Variants in KAZN observed in about 807,000 individuals in gnomAD.
KAZN encodes the protein kazrin, periplakin interacting protein.
Under a neutral mutation model 87.4 loss-of-function variants are expected in KAZN, and 40 were observed. The ratio of observed to expected loss-of-function variants is 0.46; its 90% confidence interval spans 0.36 to 0.60. The LOEUF (loss-of-function observed/expected upper bound fraction) is 0.60. Among genes scored for constraint, KAZN ranks in the 20% least tolerant of loss-of-function variants. The pLI is 0.00. For synonymous variants in KAZN, 466 were observed against 458.3 expected (o/e 1.02, Z -0.22); for missense variants, 898 against 1,073.9 (o/e 0.84, Z 2.29).
At chr1:15,085,983 T>G (rs1231047723) in intron 8 of KAZN, among the ~76,000 whole-genome samples, 2 of 148,714 alleles carry the variant, frequency 1.3e-5, no homozygotes, top group African/African-American at 5.2e-5. Flanking sequence ...AAGAAAAAAT[T>G]TTTTTGAGAC....
At chr1:14,174,970 A>G (rs1428268268) in intron 1 of KAZN, among the ~76,000 whole-genome samples, 1 of 152,208 alleles carries the variant, frequency 6.6e-6, no homozygotes, top group African/African-American at 2.4e-5. Context: ...AGCAAGTCAT[A>G]TGGCAAAACT....
intron 1 of KAZN, among the ~76,000 whole-genome samples, chr1:14,941,186 T>C (rs1376022897): frequency 6.6e-6 from 1 of 152,186 alleles, no homozygotes; most frequent in African/African-American, 2.4e-5. Flanking sequence ...TCCCAAAGTC[T>C]GGGATTACAG....
At chr1:14,407,896 A>T (rs1663995005) in intron 2 of KAZN, among the ~76,000 whole-genome samples, 1 of 152,142 alleles carries the variant, frequency 6.6e-6, no homozygotes, top group African/African-American at 2.4e-5. Flanking sequence ...TGGGAAAATT[A>T]ATTTGTTTTT....
chr1:14,978,362 ACGGAGCATCTGGATTGTCAAAAGCATC>A (rs1252589700), intron 2 of KAZN, among the ~76,000 whole-genome samples: 168 of 152,156 alleles, frequency 1.1e-3, no homozygotes, highest in Admixed American at 1.9e-3. Flanking sequence ...GCTGTGTTCT[ACGGAGCATCTGGATTGTCAAAAGCATC>A]CGGCAGCTTG....
At chr1:14,958,366 A>G (rs1286528245) in intron 1 of KAZN, among the ~76,000 whole-genome samples, 3 of 102,318 alleles carry the variant, frequency 2.9e-5, no homozygotes, top group Non-Finnish European at 5.0e-5. Flanking sequence ...TCTTGGGTAC[A>G]TGGAGCACTT....
Position 14,530,421 on chromosome 1 carries a change from G to A in KAZN, c.250-68562G>A, listed in dbSNP as rs998428893. Among the ~76,000 whole-genome samples the A allele has an allele frequency of 3.3e-5, 5 of 152,128 alleles. No homozygotes were observed. The South Asian group carries it at 6.2e-4, about 19-fold the overall frequency. ...AAGCTACATTTTCTTTACACATCTCGATTTGGTTTGGATGTGTGTCTCCTC... is the reference window on the plus strand; with the variant it reads ...AAGCTACATTTTCTTTACACATCTCAATTTGGTTTGGATGTGTGTCTCCTC... On this transcript the variant is annotated intron_variant, in intron 2 of 16. Coordinates refer to the KAZN transcript ENST00000636203.
At chr1:14,935,567 G>C (rs1660354843) in intron 1 of KAZN, among the ~76,000 whole-genome samples, 1 of 152,192 alleles carries the variant, frequency 6.6e-6, no homozygotes, top group Non-Finnish European at 1.5e-5. Flanking sequence ...CCCAGTCTGG[G>C]TGTTAACAAG....
At chr1:14,602,124 A>G (rs1325436630) in intron 1 of KAZN, among the ~76,000 whole-genome samples, 2 of 152,166 alleles carry the variant, frequency 1.3e-5, no homozygotes, top group Non-Finnish European at 2.9e-5. Flanking sequence ...TGATGAAGAA[A>G]ATTTGGGTTT....
chr1:14,598,526 C>T (rs1266863283), upstream of KAZN, among the ~76,000 whole-genome samples: 13 of 152,106 alleles, frequency 8.5e-5, 1 homozygote. This position sits in a 1 kb window ranked among gnomAD's most constrained non-coding sequence, Gnocchi z 4.2. Context: ...GGCCCCCTCC[C>T]GACTGCCGTC....
intron 2 of KAZN, among the ~76,000 whole-genome samples, chr1:14,558,742 T>C (rs1408259436): frequency 1.3e-5 from 2 of 152,176 alleles, no homozygotes; most frequent in African/African-American, 2.4e-5. Flanking sequence ...CGGGCTTTGA[T>C]CCGCAGTTGT....
intron 2 of KAZN, among the ~76,000 whole-genome samples, chr1:14,463,186 A>G (rs559569724): frequency 6.6e-6 from 1 of 152,306 alleles, no homozygotes; most frequent in South Asian, 2.1e-4. Flanking sequence ...ATTGCTACGG[A>G]AAAAGGTGGT....
chr1:14,713,202 G>T (rs1361564099), intron 1 of KAZN, among the ~76,000 whole-genome samples: 1 of 151,996 alleles, frequency 6.6e-6, no homozygotes, highest in Non-Finnish European at 1.5e-5. Flanking sequence ...TTTTCATGGT[G>T]ATCCTGAGGT....
intron 2 of KAZN, among the ~76,000 whole-genome samples, chr1:15,016,421 G>T (rs1168442100): frequency 1.3e-5 from 2 of 152,114 alleles, no homozygotes; most frequent in Admixed American, 1.3e-4. Context: ...GAGTAGCTGG[G>T]ATTACAGGCG....
intron 12 of KAZN, 120 bp downstream of exon 12, chr1:15,103,580 TG>T: frequency 1.4e-6 from 1 of 726,320 alleles, no homozygotes; most frequent in Non-Finnish European, 2.4e-6. Context: ...TGCAAATCAA[TG>T]GGCAAATCCC....
At chr1:14,539,833 A>C (rs2148493273) in intron 2 of KAZN, among the ~76,000 whole-genome samples, 1 of 152,298 alleles carries the variant, frequency 6.6e-6, no homozygotes, top group Non-Finnish European at 1.5e-5. Flanking sequence ...TAAGATAACA[A>C]ATTAACTTTC....
At chr1:14,721,467 G>A (rs1349331052) in intron 1 of KAZN, among the ~76,000 whole-genome samples, 1 of 152,220 alleles carries the variant, frequency 6.6e-6, no homozygotes, top group Non-Finnish European at 1.5e-5. Flanking sequence ...TTTCAGGTAT[G>A]TCCTTATTAG....
rs1329990535 is a variant in KAZN at position 15,114,639 on chromosome 1, A to T, written c.*4A>T. 6.3e-7 allele frequency: 1 copy of T among 1,575,444 alleles called. No individual in the cohort carries two copies. Among genetic ancestry groups the T allele is most frequent in the African/African-American group, 1.4e-5 (1 of 73,964 alleles). On this transcript the variant is annotated 3_prime_UTR_variant, in exon 15 of 15. Coordinates refer to ENST00000376030, the MANE Select transcript of KAZN (RefSeq NM_201628.3). The stretch of plus-strand genomic sequence containing the variant: ...CCTGGAGGTCACCAACGTGTAAGGA[A>T]CTGGTGGCTCCACCAGACCCAACGT...
At chr1:14,582,339 G>A (rs1675607313) in intron 2 of KAZN, among the ~76,000 whole-genome samples, 1 of 152,096 alleles carries the variant, frequency 6.6e-6, no homozygotes, top group African/African-American at 2.4e-5. Flanking sequence ...TTCTTGGTGT[G>A]GAGCAAAATC....
intron 1 of KAZN, among the ~76,000 whole-genome samples, chr1:14,613,562 T>C (rs1255734453): frequency 6.6e-6 from 1 of 152,248 alleles, no homozygotes; most frequent in Non-Finnish European, 1.5e-5. Context: ...TGCTATCTGT[T>C]GGAGAAAATA....
Sources: gnomAD v4.1 joint callset for allele counts (sites outside exome capture counted in the v4.1 genomes callset) on GRCh38, gnomAD v4.1.1 for gene constraint, Gnocchi (gnomAD v3.1) non-coding constraint, MANE v1.5 for transcripts, NCBI Gene and HGNC (gene_info 2026-07-23, HGNC 2026-07-21) for gene names.